SLCO2A1: variants seen among roughly 807,000 people sequenced by gnomAD.
The protein encoded by SLCO2A1 is solute carrier organic anion transporter family member 2A1.
Under a neutral mutation model 71.7 loss-of-function variants are expected in SLCO2A1, and 60 were observed. That is an observed-to-expected ratio of 0.84 (90% CI 0.68 to 1.04). The LOEUF (loss-of-function observed/expected upper bound fraction) is 1.04, where lower values mean the gene tolerates loss of function less well. SLCO2A1 is among the 50% of genes least tolerant of loss of function. SLCO2A1 has a pLI of 0.00. For missense variants in SLCO2A1, 745 were observed against 813.4 expected, an observed-to-expected ratio of 0.92 and a Z score of 1.02; for synonymous variants, 308 against 326.7, an observed-to-expected ratio of 0.94 and a Z score of 0.62.
rs965655590 is a variant in SLCO2A1 at position 134,006,405 on chromosome 3, G to A, written c.96+23302C>T. Among the ~76,000 whole-genome samples, 4 of 152,186 alleles carry A rather than the reference G, an allele frequency of 2.6e-5. No homozygotes were observed. In the East Asian group the frequency reaches 5.8e-4, roughly 22 times the overall value. On this transcript the variant is annotated intron_variant, in intron 1 of 13. Coordinates refer to ENST00000310926, the MANE Select transcript of SLCO2A1 (RefSeq NM_005630.3). ...ATTCACGTGTTGCGCGACCATCACC[G>A]TCATCCATCTCTAGAACTCTTTTCG... is the stretch of plus-strand genomic sequence containing the variant.
chr3:133,962,246 AT>A (rs1175551345), intron 3 of SLCO2A1, among the ~76,000 whole-genome samples: 1 of 151,908 alleles, frequency 6.6e-6, no homozygotes, highest in Non-Finnish European at 1.5e-5. Context: ...CGCCCAGCAA[AT>A]TTTTGTATTT....
chr3:133,935,997 A>T, intron 12 of SLCO2A1, 100 bp from the exon 13 acceptor site: 2 of 1,267,474 alleles, frequency 1.6e-6, no homozygotes, highest in Non-Finnish European at 2.1e-6. Flanking sequence ...CACATACATG[A>T]GAACGGCTCT....
chr3:133,998,973 C>T (rs1935041129), intron 1 of SLCO2A1, among the ~76,000 whole-genome samples: 1 of 152,250 alleles, frequency 6.6e-6, no homozygotes, highest in Admixed American at 6.5e-5. Flanking sequence ...CGTATTCTAA[C>T]TCTCTGCCTA....
intron 3 of SLCO2A1, among the ~76,000 whole-genome samples, chr3:133,972,685 G>T (rs1934353258): frequency 6.6e-6 from 1 of 152,192 alleles, no homozygotes; most frequent in African/African-American, 2.4e-5. Flanking sequence ...TAATGGAAGA[G>T]TCCCAATACC....
chr3:133,965,287 T>A (rs1449259681), intron 3 of SLCO2A1, among the ~76,000 whole-genome samples: 3 of 152,178 alleles, frequency 2.0e-5, no homozygotes, highest in Non-Finnish European at 4.4e-5. Context: ...TGTCATGACA[T>A]CCTGCTAGAC....
At chr3:133,983,179 A>G (rs1394837938) in intron 1 of SLCO2A1, among the ~76,000 whole-genome samples, 1 of 152,196 alleles carries the variant, frequency 6.6e-6, no homozygotes, top group East Asian at 1.9e-4. Context: ...AAAAGTGGAC[A>G]AAGAATCTGG....
rs752097902 is a variant in SLCO2A1 at position 133,945,239 on chromosome 3, C to T, written c.1317G>A (p.Pro439=). ...YPPSTSSSIH[P]QSPACRRDCS... is the part of the protein sequence containing the mutation. ...AGTCCCTGCGGCAGGCAGGAGACTG[C>T]GGATGTATAGAACTTGATGTGCTGC... Residue 439 remains proline, a synonymous_variant, in exon 10 of 14, where the codon CCG becomes CCA. Coordinates refer to ENST00000310926, the MANE Select transcript of SLCO2A1 (RefSeq NM_005630.3). 13 of 1,610,202 alleles carry T rather than the reference C, an allele frequency of 8.1e-6. No homozygotes were observed. The highest frequency in any genetic ancestry group is 4.5e-5 in the East Asian group (2 of 44,812).
At chr3:133,972,777 T>C (rs531946988) in intron 3 of SLCO2A1, among the ~76,000 whole-genome samples, 1 of 152,302 alleles carries the variant, frequency 6.6e-6, no homozygotes, top group East Asian at 1.9e-4. Flanking sequence ...TAAACTATAA[T>C]TCAAGAGCAA....
chr3:133,973,915 A>C, intron 2 of SLCO2A1, 90 bp from the exon 3 acceptor site: 1 of 1,322,672 alleles, frequency 7.6e-7, no homozygotes, highest in South Asian at 1.4e-5. Context: ...ATCCAGGAAA[A>C]CTGGAAAGGG....
At chr3:133,989,722 T>C (rs1934796649) in intron 1 of SLCO2A1, among the ~76,000 whole-genome samples, 1 of 152,200 alleles carries the variant, frequency 6.6e-6, no homozygotes, top group East Asian at 1.9e-4. Context: ...CCTCTGCTTT[T>C]AGTTTTTAGT....
At position 133,953,721 on chromosome 3, in the gene SLCO2A1, C is replaced by A; in HGVS notation, c.666G>T (p.Gly222=). ...FAISVFGPAF[G]YLLGSVMLQI... is the part of the protein sequence containing the mutation. ...GCAGCATGACAGAGCCCAGCAGGTA[C>A]CCGAAAGCCGGTCCAAATACAGAGA... Residue 222 remains glycine, a synonymous_variant, in exon 5 of 14, where the codon GGG becomes GGT. Transcript: ENST00000310926. 1 of 1,614,140 alleles carries A rather than the reference C, an allele frequency of 6.2e-7. No homozygotes were observed. Among genetic ancestry groups the A allele is most frequent in the Non-Finnish European group, 8.5e-7 (1 of 1,180,026 alleles).
At chr3:133,980,294 A>G (rs1427473468) in intron 1 of SLCO2A1, among the ~76,000 whole-genome samples, 1 of 152,258 alleles carries the variant, frequency 6.6e-6, no homozygotes, top group African/African-American at 2.4e-5. Context: ...TCAATGGATG[A>G]TCAAGGCCCC....
chr3:133,957,698 T>A (rs567314413), intron 3 of SLCO2A1, among the ~76,000 whole-genome samples: 1 of 152,272 alleles, frequency 6.6e-6, no homozygotes, highest in East Asian at 1.9e-4. Context: ...GCTGCTGGGA[T>A]GTGTGCTAGA....
At chr3:133,997,712 C>A (rs1254485042) in intron 1 of SLCO2A1, among the ~76,000 whole-genome samples, 1 of 152,190 alleles carries the variant, frequency 6.6e-6, no homozygotes, top group Non-Finnish European at 1.5e-5. Flanking sequence ...TTGTTTTAAG[C>A]CACCAAGTTT....
At chr3:133,942,044 A>G (rs1327440096) in intron 11 of SLCO2A1, among the ~76,000 whole-genome samples, 2 of 152,160 alleles carry the variant, frequency 1.3e-5, no homozygotes, top group Non-Finnish European at 2.9e-5. Context: ...CCCAGGCTGG[A>G]GTGCAGTGGC....
At chr3:134,010,024 TGTCCATATTATC>T (rs1935299987) in intron 1 of SLCO2A1, among the ~76,000 whole-genome samples, 1 of 152,218 alleles carries the variant, frequency 6.6e-6, no homozygotes, top group Admixed American at 6.5e-5. Context: ...GACCTACCCT[TGTCCATATTATC>T]TCAGTAAATT....
intron 4 of SLCO2A1, among the ~76,000 whole-genome samples, chr3:133,954,542 C>A (rs1182895120): frequency 6.6e-6 from 1 of 152,164 alleles, no homozygotes; most frequent in Non-Finnish European, 1.5e-5. Context: ...TCTTTGAGGC[C>A]AACCTGCTCC....
At chr3:133,970,112 T>C (rs1020068006) in intron 3 of SLCO2A1, among the ~76,000 whole-genome samples, 1 of 152,204 alleles carries the variant, frequency 6.6e-6, no homozygotes, top group Non-Finnish European at 1.5e-5. Flanking sequence ...GCTTTCTCCT[T>C]TGGGATCCAG....
chr3:133,942,885 G>C, intron 10 of SLCO2A1, 117 bp from the exon 11 acceptor site: 1 of 1,131,122 alleles, frequency 8.8e-7, no homozygotes, highest in Non-Finnish European at 1.2e-6. Context: ...TGTGTCCTCT[G>C]GGTCTGGTTC....
Sources: gnomAD v4.1 joint callset for allele counts (sites outside exome capture counted in the v4.1 genomes callset) on GRCh38, gnomAD v4.1.1 for gene constraint, MANE v1.5 for transcripts, NCBI Gene and HGNC (gene_info 2026-07-23, HGNC 2026-07-21) for gene names.